The following BABAM2 variants were observed in gnomAD, a reference collection of about 807,000 sequenced individuals.
The protein encoded by BABAM2 is BRISC and BRCA1 A complex member 2.
In BABAM2, 31 loss-of-function variants were observed where a neutral mutation model predicts 54.7. That is an observed-to-expected ratio of 0.57 (90% confidence interval 0.43 to 0.77). BABAM2 has a LOEUF of 0.77. Ranked by LOEUF, BABAM2 falls within the 30% of genes least tolerant of loss-of-function variation. The probability of loss-of-function intolerance (pLI) is 0.00; values close to 1 mark genes in which losing one functional copy is unlikely to be tolerated. For missense variants in BABAM2, 364 were observed against 455.8 expected, an observed-to-expected ratio of 0.80 and a Z score of 1.83; for synonymous variants, 167 against 162.9, an observed-to-expected ratio of 1.03 and a Z score of -0.19.
intron 5 of BABAM2, among the ~76,000 whole-genome samples, chr2:28,043,722 T>TA (rs1677322867): frequency 6.6e-6 from 1 of 152,182 alleles, no homozygotes; most frequent in Non-Finnish European, 1.5e-5. Flanking sequence ...CTCAGCATAA[T>TA]ACCAAAACCA....
At chr2:28,130,143 C>G (rs1669898133) in intron 7 of BABAM2, among the ~76,000 whole-genome samples, 1 of 152,122 alleles carries the variant, frequency 6.6e-6, no homozygotes, top group African/African-American at 2.4e-5. Flanking sequence ...TTTACAGACT[C>G]TGATTGAAAT....
intron 11 of BABAM2, among the ~76,000 whole-genome samples, chr2:28,317,504 C>G (rs1335367490): frequency 6.6e-6 from 1 of 152,214 alleles, no homozygotes; most frequent in Non-Finnish European, 1.5e-5. Context: ...CATCTGAACA[C>G]TGAAGGCAAA....
At chr2:28,252,025 T>C (rs1345796460) in intron 10 of BABAM2, among the ~76,000 whole-genome samples, 1 of 151,996 alleles carries the variant, frequency 6.6e-6, no homozygotes, top group African/African-American at 2.4e-5. Context: ...CTGTCTCTAC[T>C]AAAAATACAA....
chr2:28,099,988 C>T (rs553247581), intron 6 of BABAM2, among the ~76,000 whole-genome samples: 12 of 152,028 alleles, frequency 7.9e-5, no homozygotes, highest in African/African-American at 2.7e-4. Context: ...ATTTTTCTGT[C>T]TTTTGTGTTG....
Position 27,975,881 on chromosome 2 carries a change from G to T in BABAM2, c.206-12112G>T, listed in dbSNP as rs546107344. Among the ~76,000 whole-genome samples the T allele has an allele frequency of 3.2e-3, 486 of 151,884 alleles. 2 individuals are homozygous for T. Among genetic ancestry groups the T allele is most frequent in the African/African-American group, 0.011 (471 of 41,448 alleles). ...AAACCAACAACAATAAAAAAAATGG[G>T]GAACAGATCTGAACAGATACTCCAC... On this transcript the variant is annotated intron_variant, in intron 3 of 11. Transcript: ENST00000379624.
At chr2:27,977,589 A>G (rs1671691914) in intron 3 of BABAM2, among the ~76,000 whole-genome samples, 5 of 152,190 alleles carry the variant, frequency 3.3e-5, no homozygotes, top group Admixed American at 2.6e-4. Flanking sequence ...TTTAACTTAC[A>G]ATGCCATTTA....
intron 7 of BABAM2, among the ~76,000 whole-genome samples, chr2:28,214,083 C>G (rs1303829101): frequency 6.6e-6 from 1 of 152,104 alleles, no homozygotes; most frequent in African/African-American, 2.4e-5. Context: ...TAATCAGAAT[C>G]AGGAAATTGA....
intron 7 of BABAM2, among the ~76,000 whole-genome samples, chr2:28,207,507 T>A (rs1467589379): frequency 6.6e-6 from 1 of 152,038 alleles, no homozygotes; most frequent in Admixed American, 6.6e-5. Context: ...ATTGCACCAC[T>A]GCACACCAGC....
Position 28,060,033 on chromosome 2 carries a change from CA to C in BABAM2, c.570+14237del, listed in dbSNP as rs1190248793. Among the ~76,000 whole-genome samples the C allele has an allele frequency of 3.3e-5, 5 of 152,028 alleles. No homozygotes were observed. The East Asian group carries it at 9.7e-4, about 29-fold the overall frequency. Reference sequence around the variant, plus strand: ...GCACTACTTGATGACAAAAATCAGGCAAAGATATTACAAGAAAAGAAAACTC... The same window carrying C: ...GCACTACTTGATGACAAAAATCAGGCAAGATATTACAAGAAAAGAAAACTC... On this transcript the variant is annotated intron_variant, in intron 6 of 11. Transcript: ENST00000379624.
At chr2:28,157,860 C>T (rs1455422597) in intron 7 of BABAM2, among the ~76,000 whole-genome samples, 4 of 152,138 alleles carry the variant, frequency 2.6e-5, no homozygotes, top group African/African-American at 7.2e-5. Context: ...CTGCCAGCCT[C>T]GGCCTCCCAA....
chr2:27,893,863 A>G (rs1005684484), intron 1 of BABAM2, among the ~76,000 whole-genome samples: 3 of 151,956 alleles, frequency 2.0e-5, no homozygotes, highest in African/African-American at 7.3e-5. Context: ...GCGTGGTGGC[A>G]TGTGCCTGTA....
chr2:28,241,587 C>T (rs1214346515), intron 9 of BABAM2, among the ~76,000 whole-genome samples, 194 bp downstream of exon 9: 1 of 152,058 alleles, frequency 6.6e-6, no homozygotes, highest in East Asian at 1.9e-4. Context: ...CTCCACTTCC[C>T]GAGTTCAAGC....
intron 7 of BABAM2, among the ~76,000 whole-genome samples, chr2:28,130,635 G>T (rs902493693): frequency 5.3e-5 from 8 of 151,884 alleles, no homozygotes; most frequent in African/African-American, 1.9e-4. Flanking sequence ...TTTTATTTTT[G>T]TAGAGACCGG....
Position 28,093,027 on chromosome 2 carries a change from C to A in BABAM2, c.571-36244C>A, listed in dbSNP as rs140813401. 2.9e-3 allele frequency among the ~76,000 whole-genome samples: 449 copies of A among 152,228 alleles called. 5 individuals carry two copies. The highest frequency in any genetic ancestry group is 0.01 in the African/African-American group (435 of 41,554). On this transcript the variant is annotated intron_variant, in intron 6 of 11. Coordinates refer to ENST00000379624, the MANE Select transcript of BABAM2 (RefSeq NM_199191.3). ...TAAAAGGTAGCTTTTTAGGAACTTA[C>A]ATTTTAGGTAAAATGTACTTTTCCC...
At chr2:28,006,262 A>C (rs905332733) in intron 4 of BABAM2, among the ~76,000 whole-genome samples, 15 of 152,042 alleles carry the variant, frequency 9.9e-5, no homozygotes, top group African/African-American at 2.7e-4. Flanking sequence ...TATGTCCCAA[A>C]TTTCTTGTAC....
chr2:28,327,179 T>A, intron 11 of BABAM2: 1 of 1,327,240 alleles, frequency 7.5e-7, no homozygotes, highest in East Asian at 2.4e-5. Context: ...CCATGGCCGG[T>A]GGAGGCTCAG....
intron 7 of BABAM2, among the ~76,000 whole-genome samples, chr2:28,167,987 A>T (rs1673897900): frequency 1.3e-5 from 2 of 152,204 alleles, no homozygotes; most frequent in African/African-American, 4.8e-5. Flanking sequence ...TCTCAAGACC[A>T]CACAGCTAGT....
intron 11 of BABAM2, chr2:28,310,296 GA>G: frequency 3.7e-6 from 3 of 813,028 alleles, no homozygotes; most frequent in Non-Finnish European, 5.8e-6. Flanking sequence ...AGCCTGTGCA[GA>G]CCAGGCTGCA....
intron 6 of BABAM2, among the ~76,000 whole-genome samples, chr2:28,058,620 A>C (rs370555114): frequency 6.6e-6 from 1 of 151,962 alleles, no homozygotes; most frequent in South Asian, 2.1e-4. Context: ...ATGGTCACTT[A>C]ACTCAGTGAT....
Sources: gnomAD v4.1 joint callset for allele counts (sites outside exome capture counted in the v4.1 genomes callset) on GRCh38, gnomAD v4.1.1 for gene constraint, MANE v1.5 for transcripts, NCBI Gene and HGNC (gene_info 2026-07-23, HGNC 2026-07-21) for gene names.